The following AKAP6 variants were observed in gnomAD, a reference collection of about 807,000 sequenced individuals.
AKAP6 encodes A-kinase anchor protein 6.
In AKAP6, 58 loss-of-function variants were observed where a neutral mutation model predicts 188.5. The observed-to-expected ratio is 0.31, with a 90% CI of 0.25 to 0.38. The LOEUF is 0.38. Among genes scored for constraint, AKAP6 ranks in the 10% least tolerant of loss-of-function variants. The pLI is 1.00. For missense variants in AKAP6, 2,710 were observed against 2,740.0 expected, an observed-to-expected ratio of 0.99 and a Z score of 0.24; for synonymous variants, 989 against 998.6, an observed-to-expected ratio of 0.99 and a Z score of 0.18.
chr14:32,518,676 C>T (rs1040208480), intron 2 of AKAP6, among the ~76,000 whole-genome samples: 4 of 152,082 alleles, frequency 2.6e-5, no homozygotes, highest in Non-Finnish European at 5.9e-5. Flanking sequence ...ACAAAGCCTC[C>T]AAGAAATATG....
rs142068069 is a variant in AKAP6, at chr14:32,735,104, A to G, written c.3148-554A>G. 2.7e-3 allele frequency among the ~76,000 whole-genome samples: 405 copies of G among 152,236 alleles called. 2 individuals carry two copies. Among genetic ancestry groups the G allele is most frequent in the African/African-American group, 9.4e-3 (390 of 41,550 alleles). ...ATTTCCAAGTCAGGTAAAATCAACA[A>G]CATCACCAAGGAGGCTTCCTTTTCT... On this transcript the variant is annotated intron_variant, in intron 10 of 13. Transcript: ENST00000280979.
Position 32,546,076 on chromosome 14 carries a change from A to G in AKAP6, c.1423A>G (p.Ile475Val). The G allele has an allele frequency of 6.2e-7, 1 of 1,614,176 alleles. No homozygotes were observed. Among genetic ancestry groups the G allele is most frequent in the Non-Finnish European group, 8.5e-7 (1 of 1,180,022 alleles). ...CCTTGAAAACACAGTCAAATTTCAC[A>G]TTAAAGAAATTTCTTCCAGCCTGGG... ...GNLENTVKFH[I>V]KEISSSLGRL... Residue 475 changes from isoleucine to valine, a missense_variant, in exon 4 of 14, where the codon ATT becomes GTT. Ile to Val is a conservative substitution (Grantham distance 29). Transcript: ENST00000280979.
intron 7 of AKAP6, among the ~76,000 whole-genome samples, chr14:32,617,519 G>A (rs1886629036): frequency 1.3e-5 from 2 of 152,176 alleles, no homozygotes; most frequent in Admixed American, 1.3e-4. Flanking sequence ...ACACTGCAAT[G>A]CTCAGCGTAA....
chr14:32,391,537 A>G (rs979507074), intron 1 of AKAP6, among the ~76,000 whole-genome samples: 1 of 152,182 alleles, frequency 6.6e-6, no homozygotes, highest in African/African-American at 2.4e-5. Context: ...TTCCCTGACC[A>G]TTGGGCAATT....
intron 2 of AKAP6, among the ~76,000 whole-genome samples, chr14:32,496,120 C>A (rs1398795089): frequency 2.0e-5 from 3 of 152,144 alleles, no homozygotes; most frequent in African/African-American, 7.2e-5. Context: ...AGCATTTATT[C>A]AAACTTATAC....
intron 1 of AKAP6, among the ~76,000 whole-genome samples, chr14:32,345,441 G>C (rs557873461): frequency 2.6e-5 from 4 of 152,342 alleles, no homozygotes; most frequent in Non-Finnish European, 1.5e-5. Flanking sequence ...TAGGCTGTCA[G>C]CTGTGATGTA....
chr14:32,362,527 G>GT (rs1169490020), intron 1 of AKAP6, among the ~76,000 whole-genome samples: 2 of 152,194 alleles, frequency 1.3e-5, no homozygotes, highest in Non-Finnish European at 2.9e-5. Flanking sequence ...GTGCATGCTT[G>GT]TATGTATGTT....
chr14:32,728,616 A>T (rs1161938783), intron 9 of AKAP6, among the ~76,000 whole-genome samples: 2 of 152,202 alleles, frequency 1.3e-5, no homozygotes, highest in Non-Finnish European at 2.9e-5. Flanking sequence ...GATGACACAG[A>T]ATACAACAGC....
At chr14:32,598,648 A>G (rs905465909) in intron 5 of AKAP6, among the ~76,000 whole-genome samples, 1 of 152,184 alleles carries the variant, frequency 6.6e-6, no homozygotes, top group Admixed American at 6.6e-5. Flanking sequence ...ATAGTAAGAT[A>G]AATTTTACAA....
intron 2 of AKAP6, among the ~76,000 whole-genome samples, chr14:32,529,935 A>ACATATGG (rs756347824): frequency 4.0e-5 from 6 of 150,146 alleles, no homozygotes; most frequent in Admixed American, 6.6e-5. Context: ...AAACACATAC[A>ACATATGG]CATATGGTGA....
At chr14:32,530,240 T>C (rs1882345994) in intron 2 of AKAP6, among the ~76,000 whole-genome samples, 1 of 152,158 alleles carries the variant, frequency 6.6e-6, no homozygotes, top group South Asian at 2.1e-4. Flanking sequence ...TTGCCCAGGC[T>C]GGTCTCGAAC....
At chr14:32,733,708 A>G (rs918559084) in intron 10 of AKAP6, 1 of 152,166 alleles carries the variant, frequency 6.6e-6, no homozygotes, top group African/African-American at 2.4e-5. Context: ...TTCATCTAAC[A>G]TATTGTTGCC....
At chr14:32,589,154 C>A (rs1428323466) in intron 5 of AKAP6, among the ~76,000 whole-genome samples, 5 of 152,324 alleles carry the variant, frequency 3.3e-5, no homozygotes, top group Non-Finnish European at 7.4e-5. Context: ...CTAATGGGAG[C>A]AGTGGATCAA....
intron 9 of AKAP6, chr14:32,726,280 T>C: frequency 2.2e-6 from 2 of 899,938 alleles, no homozygotes; most frequent in Non-Finnish European, 2.7e-6. Context: ...AGTCTTCTTT[T>C]ACAGTTTGCT....
intron 10 of AKAP6, chr14:32,732,879 CAA>C (rs2031248207): frequency 1.7e-6 from 1 of 591,254 alleles, no homozygotes; most frequent in Non-Finnish European, 3.0e-6. Context: ...GGGTATGCAC[CAA>C]GTCAACTATA....
At chr14:32,825,546 A>T (rs1566741754) in intron 13 of AKAP6, among the ~76,000 whole-genome samples, 3 of 152,198 alleles carry the variant, frequency 2.0e-5, no homozygotes, top group African/African-American at 2.4e-5. Context: ...TTTCCATCAA[A>T]TTTTTTAAGA....
intron 1 of AKAP6, among the ~76,000 whole-genome samples, chr14:32,423,487 T>C (rs1439639005): frequency 1.3e-5 from 2 of 152,260 alleles, no homozygotes; most frequent in Non-Finnish European, 1.5e-5. Context: ...CCATAACTTA[T>C]TTTTATTAAC....
intron 7 of AKAP6, among the ~76,000 whole-genome samples, chr14:32,651,041 A>G (rs938265025): frequency 1.3e-5 from 2 of 152,188 alleles, no homozygotes; most frequent in African/African-American, 4.8e-5. Context: ...CAGAGAGACA[A>G]CTAGAGATTG....
rs779289415 is a variant in AKAP6 at position 32,600,721 on chromosome 14, G to T, written c.2659G>T (p.Asp887Tyr). ...RQHSWILRAL[D>Y]TIKAEILATD... ...GCACAGCTGGATTCTCAGGGCTCTG[G>T]ATACCATCAAAGCCGAGATACTGGC... Residue 887 changes from aspartate (D) to tyrosine (Y), a missense_variant, in exon 7 of 14, where the codon GAT (aspartate) becomes TAT (tyrosine). This residue lies in a region of AKAP6 where 2,473 missense variants were observed against 2,426.1 expected (regional missense o/e 1.02). Transcript: ENST00000280979. 1 of 1,613,632 alleles carries T rather than the reference G, an allele frequency of 6.2e-7. No homozygotes were observed. The highest frequency in any genetic ancestry group is 1.1e-5 in the South Asian group (1 of 91,008).
Sources: allele counts gnomAD v4.1 joint callset (sites outside exome capture counted in the v4.1 genomes callset), GRCh38; gene constraint gnomAD v4.1.1; regional missense constraint gnomAD v4.1.1; transcripts MANE v1.5; gene names NCBI Gene and HGNC (gene_info 2026-07-23, HGNC 2026-07-21).